NRG2: variants seen among roughly 807,000 people sequenced by gnomAD.
NRG2 encodes the protein neuregulin 2.
Under a neutral mutation model 73.9 loss-of-function variants are expected in NRG2, and 27 were observed. That is an observed-to-expected ratio of 0.37 (90% CI 0.27 to 0.50). The LOEUF is 0.50. NRG2 is among the 20% of genes least tolerant of loss of function. The probability of loss-of-function intolerance (pLI) is 0.96; values close to 1 mark genes in which losing one functional copy is unlikely to be tolerated. For missense variants in NRG2, 1,126 were observed against 1,210.1 expected (o/e 0.93, Z 1.03); for synonymous variants, 532 against 541.0 (o/e 0.98, Z 0.23).
At position 140,043,216 on chromosome 5, in the gene NRG2, G is replaced by A; in HGVS notation, c.-147C>T. Reference sequence around the variant, plus strand: ...CCGGGGAGGTGGCCCAGCTAGGGCAGGGGGCAGGCGGCAAGCGGGCCGCGA... The same window carrying A: ...CCGGGGAGGTGGCCCAGCTAGGGCAAGGGGCAGGCGGCAAGCGGGCCGCGA... On this transcript the variant is annotated 5_prime_UTR_variant, in exon 1 of 10. Coordinates refer to ENST00000361474, the MANE Select transcript of NRG2 (RefSeq NM_004883.3). The surrounding 1 kb of genome is among the most constrained non-coding windows in gnomAD (Gnocchi z 6.7). The A allele has an allele frequency of 1.2e-6, 1 of 845,452 alleles. No homozygotes were observed. The allele number at this position is 845,452 out of a possible 1,614,324, so 52.4% of individuals were successfully genotyped here.
chr5:140,018,787 C>T (rs1436040480), intron 1 of NRG2, among the ~76,000 whole-genome samples: 1 of 152,234 alleles, frequency 6.6e-6, no homozygotes, highest in Non-Finnish European at 1.5e-5. Context: ...CAATCCAGAT[C>T]CTGCTCCTGA....
chr5:139,967,260 T>C lies in NRG2; in HGVS notation c.700+75110A>G, dbSNP rs368835353. Among the ~76,000 whole-genome samples, 29 of 152,142 alleles carry C rather than the reference T, an allele frequency of 1.9e-4. No homozygotes were observed. The East Asian group carries it at 3.7e-3, about 19-fold the overall frequency. On this transcript the variant is annotated intron_variant, in intron 1 of 9. Coordinates refer to ENST00000361474, the MANE Select transcript of NRG2 (RefSeq NM_004883.3). Reference sequence around the variant, plus strand: ...GACCTTCACTCCAGGGACTATTACCTTGTATCCCACTCAGCCCTGGGTACA... The same window carrying C: ...GACCTTCACTCCAGGGACTATTACCCTGTATCCCACTCAGCCCTGGGTACA...
rs56983805 is a variant in NRG2 at position 139,990,273 on chromosome 5, A to ATATTTTATTT, written c.700+52087_700+52096dup. Among the ~76,000 whole-genome samples, 391 of 145,944 alleles carry ATATTTTATTT rather than the reference A, an allele frequency of 2.7e-3. 1 individual carries two copies. The highest frequency in any genetic ancestry group is 6.0e-3 in the African/African-American group (231 of 38,486). On this transcript the variant is annotated intron_variant, in intron 1 of 9. Transcript: ENST00000361474. ...TCACCAGTTTACATTCCCACTAGCA[A>ATATTTTATTT]TATTTTATTTTATTTTATTTTATTT...
chr5:139,957,307 CTG>C (rs70988722), intron 1 of NRG2, among the ~76,000 whole-genome samples: 19,318 of 143,656 alleles, frequency 0.13, 1,383 homozygotes, highest in South Asian at 0.23. Flanking sequence ...TCAAGAATCT[CTG>C]TGTGTGTGTG....
chr5:139,989,957 T>TG (rs1757471053), intron 1 of NRG2, among the ~76,000 whole-genome samples: 1 of 150,460 alleles, frequency 6.6e-6, no homozygotes, highest in Non-Finnish European at 1.5e-5. Context: ...CCCAGCTAAT[T>TG]TTTTGTATTT....
At position 139,848,306 on chromosome 5, in the gene NRG2, G is replaced by C; in HGVS notation, c.2164C>G (p.Pro722Ala). ...CGCGCGCGCGGCCGCGGCGGCGGCG[G>C]GGGCGCGCACTCCTGCGTGGTCTCG... Reference protein sequence around the residue: ...EYETTQECAPPPPPRPRARGA... With the variant: ...EYETTQECAPAPPPRPRARGA... The change falls in exon 10 of 10, where the codon CCG becomes GCG. Residue 722 changes from proline (P) to alanine (A), a missense_variant. By Grantham distance (27) the Pro-to-Ala change is conservative. Transcript: ENST00000361474. The C allele has an allele frequency of 3.4e-6, 4 of 1,174,340 alleles. No homozygotes were observed. The highest frequency in any genetic ancestry group is 4.2e-6 in the Non-Finnish European group (4 of 951,916). 72.7% of individuals were successfully genotyped at this position (1,174,340 alleles called of 1,614,324 possible). A position where few individuals can be genotyped will look rare whatever the true frequency, so the allele number is the denominator to read the frequency against.
chr5:139,883,306 T>C (rs1378382558), intron 2 of NRG2, among the ~76,000 whole-genome samples: 1 of 145,814 alleles, frequency 6.9e-6, no homozygotes, highest in African/African-American at 2.5e-5. Context: ...CCTCCACATT[T>C]TCCTCAGCGC....
intron 1 of NRG2, among the ~76,000 whole-genome samples, chr5:139,919,149 G>A (rs1401878157): frequency 2.0e-5 from 3 of 152,156 alleles, no homozygotes; most frequent in African/African-American, 4.8e-5. Flanking sequence ...AGCAGGCAAC[G>A]CTGGGAGTTC....
At chr5:139,929,021 A>G (rs1752267812) in intron 1 of NRG2, among the ~76,000 whole-genome samples, 1 of 152,116 alleles carries the variant, frequency 6.6e-6, no homozygotes, top group African/African-American at 2.4e-5. Context: ...CTAGCACCCC[A>G]TGAAAGGTCC....
chr5:139,923,837 C>T (rs1411253837), intron 1 of NRG2, among the ~76,000 whole-genome samples: 4 of 152,160 alleles, frequency 2.6e-5, no homozygotes, highest in Non-Finnish European at 5.9e-5. Flanking sequence ...TCTAGGCCTC[C>T]TGAAGGGAGC....
At chr5:139,997,408 C>T (rs988249593) in intron 1 of NRG2, among the ~76,000 whole-genome samples, 9 of 152,204 alleles carry the variant, frequency 5.9e-5, no homozygotes, top group African/African-American at 2.2e-4. Flanking sequence ...CTGGAATAAT[C>T]TTACGAAGAC....
chr5:140,041,864 G>A (rs560958043), intron 1 of NRG2, among the ~76,000 whole-genome samples: 1 of 152,266 alleles, frequency 6.6e-6, no homozygotes, highest in African/African-American at 2.4e-5. Flanking sequence ...AGAGGAAGGA[G>A]GGGGCGGGGG....
chr5:140,031,388 T>C (rs919574259), intron 1 of NRG2, among the ~76,000 whole-genome samples: 6 of 152,052 alleles, frequency 3.9e-5, no homozygotes, highest in African/African-American at 1.5e-4. Flanking sequence ...AGTCCCAGAG[T>C]CCTTTAAAAG....
In NRG2 at chr5:139,988,395, C is replaced by T. The variant is rs189966619; in HGVS notation, c.700+53975G>A. 2.4e-4 allele frequency among the ~76,000 whole-genome samples: 36 copies of T among 152,044 alleles called. 1 individual carries two copies. Among genetic ancestry groups the T allele is most frequent in the East Asian group, 1.2e-3 (6 of 5,174 alleles). On this transcript the variant is annotated intron_variant, in intron 1 of 9. Transcript: ENST00000361474. Reference sequence around the variant, plus strand: ...ATAATTGCCAAAACTTGAAAGCAACCGAGTTGGCCTTCATTAGAGGAATGA... The same window carrying T: ...ATAATTGCCAAAACTTGAAAGCAACTGAGTTGGCCTTCATTAGAGGAATGA...
intron 4 of NRG2, 84 bp downstream of exon 4, chr5:139,871,637 C>G: frequency 1.3e-5 from 20 of 1,559,090 alleles, no homozygotes; most frequent in Non-Finnish European, 1.5e-5. Flanking sequence ...GGCTTGGAAC[C>G]CTCTTTTCCT....
chr5:140,024,923 T>G (rs1760562235), intron 1 of NRG2, among the ~76,000 whole-genome samples: 1 of 152,196 alleles, frequency 6.6e-6, no homozygotes, highest in Non-Finnish European at 1.5e-5. Flanking sequence ...TTTATGCCAC[T>G]TACCTAACAG....
At chr5:139,985,981 T>C (rs1464870115) in intron 1 of NRG2, among the ~76,000 whole-genome samples, 1 of 152,170 alleles carries the variant, frequency 6.6e-6, no homozygotes, top group African/African-American at 2.4e-5. Flanking sequence ...CTCCCAGGGC[T>C]ATATTTAGGC....
chr5:140,043,289 T>G lies in NRG2; in HGVS notation c.-220A>C. 1 of 547,960 alleles carries G rather than the reference T, an allele frequency of 1.8e-6. No individual in the cohort carries two copies. The highest frequency in any genetic ancestry group is 3.2e-6 in the Non-Finnish European group (1 of 315,254). The allele number at this position is 547,960 out of a possible 1,614,324, so 33.9% of individuals were successfully genotyped here. On this transcript the variant is annotated 5_prime_UTR_variant, in exon 1 of 10. Transcript: ENST00000361474. The surrounding 1 kb of genome is among the most constrained non-coding windows in gnomAD (Gnocchi z 6.7). ...CGCTCCCACCCTGTGCGCCAGGACC[T>G]GGAGGAGGATGCGGAGGATGGGACG...
intron 4 of NRG2, among the ~76,000 whole-genome samples, chr5:139,871,393 G>A (rs1762841611): frequency 6.6e-6 from 1 of 152,172 alleles, no homozygotes; most frequent in African/African-American, 2.4e-5. Flanking sequence ...GGCAGAGAGA[G>A]AGAGAAAGAG....
Sources: gnomAD v4.1 joint callset for allele counts (sites outside exome capture counted in the v4.1 genomes callset) on GRCh38, gnomAD v4.1.1 for gene constraint, Gnocchi (gnomAD v3.1) non-coding constraint, MANE v1.5 for transcripts, NCBI Gene and HGNC (gene_info 2026-07-23, HGNC 2026-07-21) for gene names.